Variants in NPTN observed in about 807,000 individuals in gnomAD.
The protein encoded by NPTN is SDR-1.
In NPTN, 5 loss-of-function variants were observed where a neutral mutation model predicts 42.7. That is an observed-to-expected ratio of 0.12 (90% CI 0.06 to 0.25). The LOEUF is 0.25. Among genes scored for constraint, NPTN ranks in the 10% least tolerant of loss-of-function variants. The probability of loss-of-function intolerance (pLI) is 1.00; values close to 1 mark genes in which losing one functional copy is unlikely to be tolerated. For missense variants in NPTN, 307 were observed against 525.4 expected (o/e 0.58, Z 4.06); for synonymous variants, 180 against 201.9 (o/e 0.89, Z 0.92).
chr15:73,602,776 T>C (rs113699296), intron 1 of NPTN, among the ~76,000 whole-genome samples: 5 of 152,190 alleles, frequency 3.3e-5, no homozygotes, highest in African/African-American at 1.2e-4. Context: ...GTCTCATCTC[T>C]AGGTAGAGAT....
intron 1 of NPTN, among the ~76,000 whole-genome samples, chr15:73,606,722 G>A (rs1467969646): frequency 6.6e-6 from 1 of 152,146 alleles, no homozygotes; most frequent in Non-Finnish European, 1.5e-5. Context: ...TTTAAAGAGT[G>A]TACTTCAACT....
chr15:73,608,755 C>G (rs989845347), intron 1 of NPTN, among the ~76,000 whole-genome samples: 2 of 152,130 alleles, frequency 1.3e-5, no homozygotes, highest in East Asian at 3.8e-4. Context: ...GAAAAATAGT[C>G]TGAACTAATT....
chr15:73,603,136 C>A (rs1897143518), intron 1 of NPTN, among the ~76,000 whole-genome samples: 2 of 152,140 alleles, frequency 1.3e-5, no homozygotes. Flanking sequence ...GCTTCATCTC[C>A]CTAATCTGTA....
intron 1 of NPTN, among the ~76,000 whole-genome samples, chr15:73,617,124 A>C (rs1256320918): frequency 6.6e-6 from 1 of 152,216 alleles, no homozygotes; most frequent in Non-Finnish European, 1.5e-5. Context: ...AAAAGACTAT[A>C]AATACCAAGA....
intron 7 of NPTN, 63 bp downstream of exon 7, chr15:73,563,173 A>T: frequency 8.4e-7 from 1 of 1,187,644 alleles, no homozygotes. Flanking sequence ...CCATTTGATT[A>T]AACTGCAAAC....
rs150929370 is a variant in NPTN, at chr15:73,585,336, C to T, written c.706+2188G>A. 2.4e-3 allele frequency among the ~76,000 whole-genome samples: 370 copies of T among 152,292 alleles called. 1 individual carries two copies. The highest frequency in any genetic ancestry group is 0.014 in the Middle Eastern group (4 of 294). ...GATCACTACAGCTATAAAAAGATAA[C>T]TGTCTCTTATCCCCACCCCGGAGAC... On this transcript the variant is annotated intron_variant, in intron 4 of 8. Transcript: ENST00000345330.
chr15:73,615,095 A>T (rs1190465851), intron 1 of NPTN, among the ~76,000 whole-genome samples: 1 of 152,046 alleles, frequency 6.6e-6, no homozygotes, highest in Admixed American at 6.5e-5. Context: ...TAGGTCTAAA[A>T]GAGATGGATG....
intron 1 of NPTN, among the ~76,000 whole-genome samples, chr15:73,620,074 C>A (rs1453841714): frequency 6.6e-6 from 1 of 152,188 alleles, no homozygotes; most frequent in African/African-American, 2.4e-5. Context: ...ATAATATAAT[C>A]CTTTGGTGAA....
chr15:73,591,882 C>A, intron 3 of NPTN, 84 bp downstream of exon 3: 1 of 1,336,022 alleles, frequency 7.5e-7, no homozygotes, highest in Non-Finnish European at 1.0e-6. Context: ...GTCCCTTCTG[C>A]ATGGCGCAAC....
chr15:73,571,913 T>A (rs1030873418), intron 5 of NPTN, among the ~76,000 whole-genome samples: 1 of 152,228 alleles, frequency 6.6e-6, no homozygotes, highest in Non-Finnish European at 1.5e-5. Flanking sequence ...TCTTTCAGAT[T>A]AAAACACATA....
Position 73,587,687 on chromosome 15 carries a change from T to C in NPTN, c.612-69A>G. On this transcript the variant is annotated intron_variant, in intron 3 of 8. Transcript: ENST00000345330. ...GTCAAAATATAAAACAGAAGGAGAATCAAAGGGGCAATCAGGGATCCTGCT... is the reference window on the plus strand; with the variant it reads ...GTCAAAATATAAAACAGAAGGAGAACCAAAGGGGCAATCAGGGATCCTGCT... The C allele has an allele frequency of 2.6e-6, 3 of 1,132,398 alleles. No homozygotes were observed. In the South Asian group the frequency reaches 3.8e-5, roughly 14 times the overall value. 70.1% of individuals were successfully genotyped at this position (1,132,398 alleles called of 1,614,324 possible).
At chr15:73,572,105 C>T (rs1285864045) in intron 5 of NPTN, among the ~76,000 whole-genome samples, 2 of 152,178 alleles carry the variant, frequency 1.3e-5, no homozygotes, top group African/African-American at 2.4e-5. Flanking sequence ...CTGAAATCAT[C>T]GCTGATGTTG....
chr15:73,577,341 T>A (rs1230736531), intron 4 of NPTN, among the ~76,000 whole-genome samples: 2 of 152,102 alleles, frequency 1.3e-5, no homozygotes, highest in Non-Finnish European at 2.9e-5. Flanking sequence ...TTTGCCATCT[T>A]CAGAGCCTAC....
intron 8 of NPTN, 73 bp downstream of exon 8, chr15:73,561,823 T>C (rs1033702854): frequency 8.9e-7 from 1 of 1,126,492 alleles, no homozygotes; most frequent in East Asian, 2.4e-5. Context: ...TACTGAAGAA[T>C]TTGTAACAAG....
At chr15:73,561,842 A>G in intron 8 of NPTN, 54 bp downstream of exon 8, 2 of 1,262,622 alleles carry the variant, frequency 1.6e-6, no homozygotes, top group Non-Finnish European at 2.3e-6. Context: ...AGGTCAATAG[A>G]GGCACATTCA....
chr15:73,601,942 G>A (rs751105298), intron 1 of NPTN, among the ~76,000 whole-genome samples: 1 of 152,154 alleles, frequency 6.6e-6, no homozygotes, highest in Non-Finnish European at 1.5e-5. Context: ...GATGGGGGAT[G>A]GGAGGCAAAG....
intron 4 of NPTN, among the ~76,000 whole-genome samples, chr15:73,576,467 T>C (rs1439544052): frequency 6.6e-6 from 1 of 152,148 alleles, no homozygotes; most frequent in Non-Finnish European, 1.5e-5. Flanking sequence ...TAGCTAGGAT[T>C]ATAGGCATCT....
intron 1 of NPTN, among the ~76,000 whole-genome samples, chr15:73,615,629 GT>G (rs1359697952): frequency 6.6e-6 from 1 of 151,992 alleles, no homozygotes; most frequent in African/African-American, 2.4e-5. Flanking sequence ...TGTCATCAAG[GT>G]TAACAGTTCA....
At chr15:73,604,120 A>C (rs1398057012) in intron 1 of NPTN, among the ~76,000 whole-genome samples, 1 of 152,130 alleles carries the variant, frequency 6.6e-6, no homozygotes. Flanking sequence ...ATCTACCTAG[A>C]TCTACAGGTT....
Sources: allele counts gnomAD v4.1 joint callset (sites outside exome capture counted in the v4.1 genomes callset), GRCh38; gene constraint gnomAD v4.1.1; transcripts MANE v1.5; gene names NCBI Gene and HGNC (gene_info 2026-07-23, HGNC 2026-07-21).